The following LARP1 variants were observed in gnomAD, a reference collection of about 807,000 sequenced individuals.
The protein encoded by LARP1 is La ribonucleoprotein 1, translational regulator.
A neutral mutation model predicts 122.7 loss-of-function variants in LARP1; 36 were observed. The ratio of observed to expected loss-of-function variants is 0.29; its 90% CI spans 0.22 to 0.39. LARP1 has a LOEUF of 0.39. Ranked by LOEUF, LARP1 falls within the 10% of genes least tolerant of loss-of-function variation. LARP1 has a pLI of 1.00. For missense variants in LARP1, 1,040 were observed against 1,403.6 expected (o/e 0.74, Z 4.14); for synonymous variants, 539 against 528.7 (o/e 1.02, Z -0.27).
At chr5:154,724,863 C>T (rs1452767337) in intron 1 of LARP1, among the ~76,000 whole-genome samples, 5 of 152,046 alleles carry the variant, frequency 3.3e-5, no homozygotes, top group African/African-American at 4.8e-5. Context: ...GATGGGGTTT[C>T]GTCATGTTGC....
chr5:154,769,471 G>C (rs552725043), intron 1 of LARP1, among the ~76,000 whole-genome samples: 1 of 152,232 alleles, frequency 6.6e-6, no homozygotes, highest in Admixed American at 6.5e-5. Flanking sequence ...GGTGGGGGAC[G>C]TGGGGACGAC....
At chr5:154,776,876 T>C (rs1755932200) in intron 1 of LARP1, among the ~76,000 whole-genome samples, 1 of 152,238 alleles carries the variant, frequency 6.6e-6, no homozygotes, top group Non-Finnish European at 1.5e-5. Flanking sequence ...GTAACATTTC[T>C]TTTGGAACAG....
At chr5:154,807,199 A>C (rs573161410) in intron 15 of LARP1, among the ~76,000 whole-genome samples, 12 of 152,198 alleles carry the variant, frequency 7.9e-5, no homozygotes, top group Admixed American at 3.3e-4. Flanking sequence ...ATCATATTCC[A>C]TCGTATGGAT....
chr5:154,724,206 C>G (rs1725955423), intron 1 of LARP1, among the ~76,000 whole-genome samples: 1 of 152,336 alleles, frequency 6.6e-6, no homozygotes, highest in East Asian at 1.9e-4. Flanking sequence ...AACCATAACT[C>G]CTATTTACAG....
upstream of LARP1, among the ~76,000 whole-genome samples, chr5:154,709,732 C>T (rs951586016): frequency 5.3e-5 from 8 of 149,732 alleles, no homozygotes; most frequent in African/African-American, 1.2e-4. Context: ...AAATAATGAG[C>T]GGGCCACGTA....
chr5:154,739,647 C>T (rs1582248835), intron 1 of LARP1, among the ~76,000 whole-genome samples: 2 of 152,048 alleles, frequency 1.3e-5, no homozygotes, highest in East Asian at 3.9e-4. Context: ...AATCCTCCTA[C>T]CTCAGCCTCT....
chr5:154,810,653 A>G (rs1351516612), intron 16 of LARP1, among the ~76,000 whole-genome samples: 1 of 151,590 alleles, frequency 6.6e-6, no homozygotes, highest in Non-Finnish European at 1.5e-5. Context: ...ACACCTGGCT[A>G]ATTTTTGTAT....
chr5:154,794,286 C>A lies in LARP1; in HGVS notation c.1232+24C>A. On this transcript the variant is annotated intron_variant, in intron 7 of 18. Transcript: ENST00000518297. Reference sequence around the variant, plus strand: ...ATGTGAGTGTGCGGAAGCCTTCTTACCCTGGAGAAATGAGTGAGAGGTTAG... The same window carrying A: ...ATGTGAGTGTGCGGAAGCCTTCTTAACCTGGAGAAATGAGTGAGAGGTTAG... 2.5e-6 allele frequency: 4 copies of A among 1,608,472 alleles called. No individual in the cohort carries two copies. In the South Asian group the frequency reaches 4.4e-5, roughly 18 times the overall value.
chr5:154,770,407 T>C lies in LARP1; in HGVS notation c.436+14214T>C, dbSNP rs138550273. On this transcript the variant is annotated intron_variant, in intron 1 of 18. Coordinates refer to ENST00000518297, the MANE Select transcript of LARP1 (RefSeq NM_033551.3). ...TTAGGCAGGCATTTTCCCCCTGGTT[T>C]TGGATCTCTTGGCCCCAAAGCCATG... is the stretch of plus-strand genomic sequence containing the variant. Among the ~76,000 whole-genome samples, 333 of 152,190 alleles carry C rather than the reference T, an allele frequency of 2.2e-3. 7 individuals are homozygous for C. Among genetic ancestry groups the C allele is most frequent in the Admixed American group, 0.02 (298 of 15,268 alleles).
At chr5:154,742,152 G>T (rs1752919079) in intron 1 of LARP1, among the ~76,000 whole-genome samples, 1 of 152,148 alleles carries the variant, frequency 6.6e-6, no homozygotes, top group African/African-American at 2.4e-5. Context: ...TCACTCCTGT[G>T]ATCATCCTTT....
At position 154,803,485 on chromosome 5, in the gene LARP1, G is replaced by A. The variant is rs1220574607; in HGVS notation, c.2234-55G>A. The A allele has an allele frequency of 6.2e-7, 1 of 1,613,632 alleles. No homozygotes were observed. Among genetic ancestry groups the A allele is most frequent in the Non-Finnish European group, 8.5e-7 (1 of 1,179,774 alleles). On this transcript the variant is annotated intron_variant, in intron 12 of 18. Coordinates refer to ENST00000518297, the MANE Select transcript of LARP1 (RefSeq NM_033551.3). This position sits in a 1 kb window ranked among gnomAD's most constrained non-coding sequence, Gnocchi z 4.4. ...GGCCCTTGGACTGGGGGCTATCCTGGGGTGGATGCCACAGGCCTTTCCCTG... is the reference window on the plus strand; with the variant it reads ...GGCCCTTGGACTGGGGGCTATCCTGAGGTGGATGCCACAGGCCTTTCCCTG...
chr5:154,739,989 A>G (rs985389701), intron 1 of LARP1, among the ~76,000 whole-genome samples: 3 of 151,024 alleles, frequency 2.0e-5, no homozygotes, highest in Admixed American at 1.3e-4. Context: ...GCCTGAGGCC[A>G]GGAGTTGGAG....
In LARP1 at chr5:154,814,153, A is replaced by T; in HGVS notation, c.*57A>T. 1.3e-6 allele frequency: 2 copies of T among 1,549,174 alleles called. No individual in the cohort carries two copies. Among genetic ancestry groups the T allele is most frequent in the South Asian group, 1.1e-5 (1 of 87,402 alleles). The stretch of plus-strand genomic sequence containing the variant: ...AAAGGGGTAGGGTGGGTAAGAGTCC[A>T]TGGGGGTGCCCAGTCCCAGGAAAGG... On this transcript the variant is annotated 3_prime_UTR_variant, in exon 19 of 19. Coordinates refer to ENST00000518297, the MANE Select transcript of LARP1 (RefSeq NM_033551.3).
Position 154,808,654 on chromosome 5 carries a change from G to T in LARP1, c.2843+51G>T, listed in dbSNP as rs74974055. On this transcript the variant is annotated intron_variant, in intron 16 of 18. Coordinates refer to ENST00000518297, the MANE Select transcript of LARP1 (RefSeq NM_033551.3). Reference sequence around the variant, plus strand: ...TGGCTGGTGCTTAGGGATGATGTGGGATCCCTAGTTGGTCTGCTTCCAGAA... The same window carrying T: ...TGGCTGGTGCTTAGGGATGATGTGGTATCCCTAGTTGGTCTGCTTCCAGAA... 1.0e-3 allele frequency: 1,573 copies of T among 1,554,304 alleles called. 12 individuals carry two copies. The African/African-American group carries it at 0.019, about 19-fold the overall frequency.
intron 8 of LARP1, among the ~76,000 whole-genome samples, chr5:154,798,095 A>G (rs1206727664): frequency 1.3e-5 from 2 of 152,166 alleles, no homozygotes; most frequent in Non-Finnish European, 2.9e-5. Context: ...ATTGATATAT[A>G]TATTAGTTTT....
In LARP1 at chr5:154,792,623, C is replaced by T. The variant is rs147239215; in HGVS notation, c.566C>T (p.Pro189Leu). The change falls in exon 4 of 19, where the codon CCA becomes CTA. Residue 189 changes from proline (P) to leucine (L), a missense_variant and splice_region_variant. Physicochemically the swap from Pro to Leu is moderately conservative, Grantham distance 98 (BLOSUM62 -3). This residue lies in a region of LARP1 where 257 missense variants were observed against 273.3 expected (regional missense o/e 0.94). Transcript: ENST00000518297. Reference protein sequence around the residue: ...PGEIAHKSVQPQSHKPQPTRK... With the variant: ...PGEIAHKSVQLQSHKPQPTRK... ...CTGTTACTTTACTTCCTGCTATAGCCACAGTCCCACAAGCCTCAGCCTACC... is the reference window on the plus strand; with the variant it reads ...CTGTTACTTTACTTCCTGCTATAGCTACAGTCCCACAAGCCTCAGCCTACC... 3.2e-5 allele frequency: 52 copies of T among 1,613,700 alleles called. No homozygotes were observed. Among genetic ancestry groups the T allele is most frequent in the South Asian group, 2.0e-4 (18 of 91,026 alleles).
chr5:154,772,944 G>C (rs1250411549), intron 1 of LARP1, among the ~76,000 whole-genome samples: 1 of 148,538 alleles, frequency 6.7e-6, no homozygotes, highest in Admixed American at 6.7e-5. Context: ...GCCTCCCAAA[G>C]TGCTGGGATT....
chr5:154,751,745 TTTA>T (rs1753506150), upstream of LARP1, among the ~76,000 whole-genome samples: 1 of 152,226 alleles, frequency 6.6e-6, no homozygotes, highest in Non-Finnish European at 1.5e-5. Flanking sequence ...TATTTTATTA[TTTA>T]TTGTTGTTTA....
chr5:154,702,008 C>T (rs1360856155), intron 1 of LARP1, among the ~76,000 whole-genome samples: 1 of 152,164 alleles, frequency 6.6e-6, no homozygotes. Flanking sequence ...GGAGCTCCCA[C>T]AGACACAGCA....
Sources: allele counts gnomAD v4.1 joint callset (sites outside exome capture counted in the v4.1 genomes callset), GRCh38; gene constraint gnomAD v4.1.1; regional missense constraint gnomAD v4.1.1; non-coding constraint Gnocchi (gnomAD v3.1); transcripts MANE v1.5; gene names NCBI Gene and HGNC (gene_info 2026-07-23, HGNC 2026-07-21).